The following CEP112 variants were observed in gnomAD, a reference collection of about 807,000 sequenced individuals.
CEP112 encodes the protein centrosomal protein of 112 kDa.
In CEP112, 127 loss-of-function variants were observed where a neutral mutation model predicts 153.0. The ratio of observed to expected loss-of-function variants is 0.83; its 90% CI spans 0.72 to 0.96. The LOEUF (loss-of-function observed/expected upper bound fraction) is 0.96, where lower values mean the gene tolerates loss of function less well. CEP112 is among the 40% of genes least tolerant of loss of function. The pLI is 0.00. For missense variants in CEP112, 1,089 were observed against 1,101.2 expected, an observed-to-expected ratio of 0.99 and a Z score of 0.16; for synonymous variants, 358 against 374.4, an observed-to-expected ratio of 0.96 and a Z score of 0.51.
At chr17:65,636,067 G>T in intron 26 of CEP112, 93 bp from the exon 27 acceptor site, 1 of 1,222,030 alleles carries the variant, frequency 8.2e-7, no homozygotes, top group Non-Finnish European at 1.2e-6. Flanking sequence ...GTTGATAGGG[G>T]TTGAAAAGGC....
At chr17:66,182,127 G>A (rs1454016700) in intron 2 of CEP112, 1 of 152,154 alleles carries the variant, frequency 6.6e-6, no homozygotes, top group Non-Finnish European at 1.5e-5. Context: ...ACCTACACTC[G>A]AATGCAGTCC....
chr17:65,731,798 C>T (rs181660410), intron 23 of CEP112, among the ~76,000 whole-genome samples: 1 of 152,314 alleles, frequency 6.6e-6, no homozygotes, highest in East Asian at 1.9e-4. Flanking sequence ...ATTGTCTTTG[C>T]TCACCCATAA....
chr17:66,049,845 T>C (rs1209359757), intron 12 of CEP112, among the ~76,000 whole-genome samples: 1 of 152,106 alleles, frequency 6.6e-6, no homozygotes, highest in African/African-American at 2.4e-5. Flanking sequence ...GGAGTAACTC[T>C]ACCAAAGAAT....
At chr17:65,650,738 A>AG (rs2045712585) in intron 24 of CEP112, among the ~76,000 whole-genome samples, 1 of 149,464 alleles carries the variant, frequency 6.7e-6, no homozygotes, top group African/African-American at 2.5e-5. Flanking sequence ...ACTAAAAAAA[A>AG]AAAAAAAAAA....
intron 19 of CEP112, among the ~76,000 whole-genome samples, chr17:65,915,654 G>A (rs978831726): frequency 1.3e-5 from 2 of 151,906 alleles, no homozygotes; most frequent in Non-Finnish European, 2.9e-5. Flanking sequence ...CAGGCGTGGT[G>A]GTGGGTGCCT....
chr17:65,759,667 G>C (rs2052494714), intron 21 of CEP112, among the ~76,000 whole-genome samples: 1 of 152,132 alleles, frequency 6.6e-6, no homozygotes, highest in African/African-American at 2.4e-5. Context: ...AAACAAAGGA[G>C]AAACTGTTTT....
chr17:65,846,022 T>A (rs951132872), intron 21 of CEP112, among the ~76,000 whole-genome samples: 1 of 152,236 alleles, frequency 6.6e-6, no homozygotes, highest in East Asian at 1.9e-4. Context: ...ATATAGAATG[T>A]CACACTGAGA....
At position 66,087,752 on chromosome 17, in the gene CEP112, G is replaced by A. The variant is rs751157494; in HGVS notation, c.768+8499C>T. On this transcript the variant is annotated intron_variant, in intron 8 of 26. Transcript: ENST00000535342. ...AAAGGACAGTTTTACTCAGAAGTCC[G>A]AGGCTGCAGGTTTTAAAATACTCAC... Among the ~76,000 whole-genome samples, 4 of 152,146 alleles carry A rather than the reference G, an allele frequency of 2.6e-5. No individual in the cohort carries two copies. In the South Asian group the frequency reaches 6.2e-4, roughly 24 times the overall value.
intron 21 of CEP112, among the ~76,000 whole-genome samples, chr17:65,766,969 C>T (rs1352787925): frequency 6.7e-6 from 1 of 150,170 alleles, no homozygotes; most frequent in Non-Finnish European, 1.5e-5. Flanking sequence ...TTCAATATCC[C>T]CCATCAACAA....
At chr17:66,076,109 G>A (rs941673585) in intron 8 of CEP112, among the ~76,000 whole-genome samples, 10 of 152,176 alleles carry the variant, frequency 6.6e-5, no homozygotes, top group African/African-American at 9.7e-5. Context: ...GGGACCTTTT[G>A]CGAGGGCAGC....
At chr17:65,867,731 C>T (rs1366984437) in intron 20 of CEP112, among the ~76,000 whole-genome samples, 3 of 151,804 alleles carry the variant, frequency 2.0e-5, no homozygotes, top group Non-Finnish European at 2.9e-5. Flanking sequence ...AATAACTTAG[C>T]TTTATTTATT....
chr17:65,636,106 G>A lies in CEP112; in HGVS notation c.2865-132C>T, dbSNP rs540316664. ...TTGATATCAAAATGTCATAATTTAT[G>A]CTTATCTATAAGGGATCAAATCTTA... On this transcript the variant is annotated intron_variant, in intron 26 of 26. Coordinates refer to ENST00000535342, the MANE Select transcript of CEP112 (RefSeq NM_001199165.4). 60 of 853,088 alleles carry A rather than the reference G, an allele frequency of 7.0e-5. 2 individuals carry two copies. The South Asian group carries it at 9.5e-4, about 14-fold the overall frequency. 52.8% of individuals were successfully genotyped at this position (853,088 alleles called of 1,614,324 possible).
intron 21 of CEP112, among the ~76,000 whole-genome samples, chr17:65,770,993 A>G (rs187311087): frequency 4.8e-4 from 73 of 151,782 alleles, no homozygotes; most frequent in Non-Finnish European, 2.1e-4. Flanking sequence ...AACAAATATA[A>G]AAGAAATAGC....
intron 12 of CEP112, among the ~76,000 whole-genome samples, chr17:66,046,176 G>A (rs767983339): frequency 3.0e-4 from 46 of 151,950 alleles, no homozygotes; most frequent in Non-Finnish European, 2.8e-4. Context: ...CCGAGTAGCT[G>A]GGACTACAAG....
At chr17:65,718,454 A>G (rs1009628398) in intron 23 of CEP112, among the ~76,000 whole-genome samples, 2 of 152,138 alleles carry the variant, frequency 1.3e-5, no homozygotes, top group East Asian at 1.9e-4. Flanking sequence ...AATATAATCA[A>G]TGATGGGGTT....
chr17:65,689,746 G>A lies in CEP112; in HGVS notation c.2608-528C>T, dbSNP rs1363855051. ...GAGGAACTTGTAAGAAATGGAAAGAGGTGAACTCTTTCCTTTGCCAAGTAG... is the reference window on the plus strand; with the variant it reads ...GAGGAACTTGTAAGAAATGGAAAGAAGTGAACTCTTTCCTTTGCCAAGTAG... On this transcript the variant is annotated intron_variant, in intron 23 of 26. Transcript: ENST00000535342. Among the ~76,000 whole-genome samples, 3 of 152,196 alleles carry A rather than the reference G, an allele frequency of 2.0e-5. No individual in the cohort carries two copies. The East Asian group carries it at 5.8e-4, about 29-fold the overall frequency.
chr17:65,687,932 G>C (rs903456463), intron 24 of CEP112, among the ~76,000 whole-genome samples: 7 of 152,096 alleles, frequency 4.6e-5, no homozygotes, highest in Admixed American at 4.6e-4. Flanking sequence ...TAATGGATTG[G>C]TGGCACTTAG....
intron 2 of CEP112, among the ~76,000 whole-genome samples, chr17:66,177,525 AGGATAAATCGGGTATC>A (rs367861805): frequency 0.034 from 5,181 of 152,312 alleles, 131 homozygotes; most frequent in Middle Eastern, 0.061. Flanking sequence ...TAGTCGCATC[AGGATAAATCGGGTATC>A]TATCCATCAC....
At chr17:66,025,717 A>C (rs1345513114) in intron 16 of CEP112, among the ~76,000 whole-genome samples, 8 of 152,080 alleles carry the variant, frequency 5.3e-5, no homozygotes, top group African/African-American at 9.7e-5. Flanking sequence ...GTAAATTAGT[A>C]TAATCTCCAA....
Sources: gnomAD v4.1 joint callset for allele counts (sites outside exome capture counted in the v4.1 genomes callset) on GRCh38, gnomAD v4.1.1 for gene constraint, MANE v1.5 for transcripts, NCBI Gene and HGNC (gene_info 2026-07-23, HGNC 2026-07-21) for gene names.